MAPKAPK5: variants seen among roughly 807,000 people sequenced by gnomAD.
The protein encoded by MAPKAPK5 is MAP kinase-activated protein kinase 5.
In MAPKAPK5, 30 loss-of-function variants were observed where a neutral mutation model predicts 65.1. That is an observed-to-expected ratio of 0.46 (90% CI 0.34 to 0.63). The LOEUF is 0.63. Among genes scored for constraint, MAPKAPK5 ranks in the 20% least tolerant of loss-of-function variants. MAPKAPK5 has a pLI of 0.01. For missense variants in MAPKAPK5, 433 were observed against 581.4 expected, an observed-to-expected ratio of 0.74 and a Z score of 2.63; for synonymous variants, 179 against 204.6, an observed-to-expected ratio of 0.87 and a Z score of 1.07.
At chr12:111,873,673 C>A (rs1673419166) in intron 7 of MAPKAPK5, among the ~76,000 whole-genome samples, 1 of 152,066 alleles carries the variant, frequency 6.6e-6, no homozygotes, top group African/African-American at 2.4e-5. Flanking sequence ...AACCAGCTGG[C>A]CATATATCTG....
rs1191745304 is a variant in MAPKAPK5, at chr12:111,885,985, C to T, written c.918C>T (p.Ser306=). 2.5e-6 allele frequency: 4 copies of T among 1,613,864 alleles called. No individual in the cohort carries two copies. The highest frequency in any genetic ancestry group is 2.7e-5 in the African/African-American group (2 of 74,910). The change falls in exon 10 of 14, where the codon TCC becomes TCT. Residue 306 remains serine, a synonymous_variant. Coordinates refer to ENST00000550735, the MANE Select transcript of MAPKAPK5 (RefSeq NM_003668.4). ...TGCTGGACCACCCCTGGCTCAATTC[C>T]ACCGAGGCCCTGGATAATGTGCTGC... ...EGVLDHPWLN[S]TEALDNVLPS... is the part of the protein sequence containing the mutation.
At chr12:111,846,244 TG>T (rs1417124579) in intron 1 of MAPKAPK5, among the ~76,000 whole-genome samples, 3 of 152,192 alleles carry the variant, frequency 2.0e-5, no homozygotes, top group Non-Finnish European at 4.4e-5. Flanking sequence ...TTTTGCTTTT[TG>T]GGGGGTGTTC....
rs2071040012 is a variant in MAPKAPK5, at chr12:111,901,179, G to T, written c.*8118G>T. ...TCCTGATGAAGGAGATGTGCACAATGGCACTTACTGTGCACCAAACAAAGT... is the reference window on the plus strand; with the variant it reads ...TCCTGATGAAGGAGATGTGCACAATTGCACTTACTGTGCACCAAACAAAGT... On this transcript the variant is annotated 3_prime_UTR_variant, in exon 14 of 14. Transcript: ENST00000550735. 1 of 451,836 alleles carries T rather than the reference G, an allele frequency of 2.2e-6. No individual in the cohort carries two copies. The highest frequency in any genetic ancestry group is 2.4e-5 in the Admixed American group (1 of 42,126). 28.0% of individuals were successfully genotyped at this position (451,836 alleles called of 1,614,324 possible). A position where few individuals can be genotyped will look rare whatever the true frequency, so the allele number is the denominator to read the frequency against.
rs2136186181 is a variant in MAPKAPK5 at position 111,900,700 on chromosome 12, A to ATAAG, written c.*7641_*7644dup. ...GAGTGCAGTGATGGTCCATGTTGTC[A>ATAAG]TAAGTGTAAATTTCACCGTAAGGGA... is the stretch of plus-strand genomic sequence containing the variant. On this transcript the variant is annotated 3_prime_UTR_variant, in exon 14 of 14. Transcript: ENST00000550735. 2.2e-6 allele frequency: 1 copy of ATAAG among 456,148 alleles called. No homozygotes were observed. The allele number at this position is 456,148 out of a possible 1,614,324, so 28.3% of individuals were successfully genotyped here.
intron 6 of MAPKAPK5, 25 bp from the exon 7 acceptor site, chr12:111,871,060 T>C (rs748182478): frequency 6.3e-7 from 1 of 1,582,322 alleles, no homozygotes; most frequent in Admixed American, 1.7e-5. Context: ...TCTGGAGCAG[T>C]GACTCCTTTT....
chr12:111,856,050 T>C (rs1202789700), intron 1 of MAPKAPK5, among the ~76,000 whole-genome samples: 1 of 151,718 alleles, frequency 6.6e-6, no homozygotes, highest in Non-Finnish European at 1.5e-5. Context: ...AGACTGGGTT[T>C]CTCCATGTTG....
intron 13 of MAPKAPK5, among the ~76,000 whole-genome samples, chr12:111,892,571 G>C (rs1253830848): frequency 6.6e-6 from 1 of 152,086 alleles, no homozygotes; most frequent in African/African-American, 2.4e-5. Flanking sequence ...AAATGTTTAT[G>C]GGCCAGTTAG....
intron 1 of MAPKAPK5, among the ~76,000 whole-genome samples, chr12:111,862,728 C>T (rs1187163430): frequency 6.6e-6 from 1 of 152,068 alleles, no homozygotes; most frequent in Non-Finnish European, 1.5e-5. Flanking sequence ...AGAATTTGGT[C>T]AGACAACTTA....
rs958675986 is a variant in MAPKAPK5, at chr12:111,900,487, ACTT to A, written c.*7429_*7431del. On this transcript the variant is annotated 3_prime_UTR_variant, in exon 14 of 14. Coordinates refer to ENST00000550735, the MANE Select transcript of MAPKAPK5 (RefSeq NM_003668.4). ...GGCTTCAGCAGCTGCAGCTCTGACT[ACTT>A]CTACCAGTTCCTTCGAGAACACAAA... The A allele has an allele frequency of 6.6e-6, 3 of 455,944 alleles. No individual in the cohort carries two copies. Among genetic ancestry groups the A allele is most frequent in the African/African-American group, 6.0e-5 (3 of 50,066 alleles). The allele number at this position is 455,944 out of a possible 1,614,324, so 28.2% of individuals were successfully genotyped here.
chr12:111,870,470 G>C, intron 6 of MAPKAPK5, 110 bp downstream of exon 6: 1 of 688,844 alleles, frequency 1.5e-6, no homozygotes, highest in Non-Finnish European at 2.4e-6. Context: ...AAGCCAAAGT[G>C]CTTCAAACAG....
intron 8 of MAPKAPK5, among the ~76,000 whole-genome samples, chr12:111,882,544 C>T (rs1188807679): frequency 6.6e-6 from 1 of 152,174 alleles, no homozygotes; most frequent in East Asian, 1.9e-4. Flanking sequence ...TCAAGAAAGG[C>T]TTGAATTGAA....
intron 7 of MAPKAPK5, among the ~76,000 whole-genome samples, chr12:111,879,105 A>T (rs935687286): frequency 6.6e-6 from 1 of 152,132 alleles, no homozygotes; most frequent in African/African-American, 2.4e-5. Context: ...TTCAATGTGG[A>T]AGTGCTGAGA....
chr12:111,865,124 C>A (rs2069558614), intron 1 of MAPKAPK5, 126 bp from the exon 2 acceptor site: 1 of 622,150 alleles, frequency 1.6e-6, no homozygotes, highest in Non-Finnish European at 2.8e-6. Flanking sequence ...ACACAAAGTT[C>A]TGCTTATCAG....
At chr12:111,855,494 A>G (rs1333177445) in intron 1 of MAPKAPK5, among the ~76,000 whole-genome samples, 5 of 152,172 alleles carry the variant, frequency 3.3e-5, no homozygotes, top group African/African-American at 1.2e-4. Flanking sequence ...ATTTTCTAAT[A>G]TCTCATGTTA....
At position 111,892,970 on chromosome 12, in the gene MAPKAPK5, G is replaced by T. The variant is rs150495619; in HGVS notation, c.1325G>T (p.Arg442Leu). The T allele has an allele frequency of 6.4e-7, 1 of 1,567,388 alleles. No individual in the cohort carries two copies. Among genetic ancestry groups the T allele is most frequent in the South Asian group, 1.2e-5 (1 of 84,448 alleles). Residue 442 changes from arginine (R) to leucine (L), a missense_variant, in exon 14 of 14, where the codon CGT becomes CTT. This residue lies in a region of MAPKAPK5 where 169 missense variants were observed against 215.6 expected (regional missense o/e 0.78). Coordinates refer to ENST00000550735, the MANE Select transcript of MAPKAPK5 (RefSeq NM_003668.4). ...CTTGTTCTTTTTTTGCTTTCAGGTCGTGGATTCACAGATAAAGTAGATCGA... is the reference window on the plus strand; with the variant it reads ...CTTGTTCTTTTTTTGCTTTCAGGTCTTGGATTCACAGATAAAGTAGATCGA... ...DTLQSFSWNG[R>L]GFTDKVDRLK... is the part of the protein sequence containing the mutation.
chr12:111,883,680 A>T lies in MAPKAPK5; in HGVS notation c.760A>T (p.Met254Leu), dbSNP rs2070311995. The change falls in exon 9 of 14, where the codon ATG (methionine) becomes TTG (leucine). Residue 254 changes from methionine to leucine, a missense_variant. Met to Leu is a conservative substitution (Grantham distance 15). This residue lies in a region of MAPKAPK5 where 99 missense variants were observed against 185.8 expected (regional missense o/e 0.53). Coordinates refer to ENST00000550735, the MANE Select transcript of MAPKAPK5 (RefSeq NM_003668.4). The surrounding 1 kb of genome is among the most constrained non-coding windows in gnomAD (Gnocchi z 4.8). Reference sequence around the variant, plus strand: ...CCACAGCCGGACTATCCCAAAGGATATGCGAAGAAAGATCATGACAGGCAG... The same window carrying T: ...CCACAGCCGGACTATCCCAAAGGATTTGCGAAGAAAGATCATGACAGGCAG... ...KHHSRTIPKD[M>L]RRKIMTGSFE... is the part of the protein sequence containing the mutation. 6.2e-7 allele frequency: 1 copy of T among 1,614,034 alleles called. No individual in the cohort carries two copies. Among genetic ancestry groups the T allele is most frequent in the Non-Finnish European group, 8.5e-7 (1 of 1,179,894 alleles).
Position 111,842,770 on chromosome 12 carries a change from G to A in MAPKAPK5, c.36+1G>A. The A allele has an allele frequency of 7.5e-7, 1 of 1,330,494 alleles. No individual in the cohort carries two copies. Among genetic ancestry groups the A allele is most frequent in the South Asian group, 2.7e-5 (1 of 37,150 alleles). 82.4% of individuals were successfully genotyped at this position (1,330,494 alleles called of 1,614,324 possible). On this transcript the variant is annotated splice_donor_variant, in intron 1 of 13. Transcript: ENST00000550735. LOFTEE classifies it high-confidence loss of function. ...GAGCGACATGGACAAAGCCATCAAG[G>A]TAAGGGGGAGGTGCCCCCTCTTCCC...
Position 111,842,737 on chromosome 12 carries a change from TC to T in MAPKAPK5, c.5del (p.Ser2TrpfsTer16). 1 of 1,363,432 alleles carries T rather than the reference TC, an allele frequency of 7.3e-7. No individual in the cohort carries two copies. 84.5% of individuals were successfully genotyped at this position (1,363,432 alleles called of 1,614,324 possible). The part of the protein sequence containing the change: M[S>X]EESDMDKAIK... ...GGCTGTGGGGGCCCCACTGAGTATG[TC>T]GGAGGAGAGCGACATGGACAAAGCC... On this transcript the variant is annotated frameshift_variant, in exon 1 of 14. Coordinates refer to ENST00000550735, the MANE Select transcript of MAPKAPK5 (RefSeq NM_003668.4). LOFTEE classifies it high-confidence loss of function.
At position 111,893,144 on chromosome 12, in the gene MAPKAPK5, CATA is replaced by C. The variant is rs1342534409; in HGVS notation, c.*86_*88del. On this transcript the variant is annotated 3_prime_UTR_variant, in exon 14 of 14. Transcript: ENST00000550735. ...AGTAATTTTATGTAAATTAATAAATCATAATTTCATTTCCACATTGATTAAAGC... is the reference window on the plus strand; with the variant it reads ...AGTAATTTTATGTAAATTAATAAATCATTTCATTTCCACATTGATTAAAGC... 2 of 988,030 alleles carry C rather than the reference CATA, an allele frequency of 2.0e-6. No individual in the cohort carries two copies. Among genetic ancestry groups the C allele is most frequent in the South Asian group, 1.7e-5 (1 of 60,336 alleles). The allele number at this position is 988,030 out of a possible 1,614,324, so 61.2% of individuals were successfully genotyped here.
Sources: gnomAD v4.1 joint callset for allele counts (sites outside exome capture counted in the v4.1 genomes callset) on GRCh38, gnomAD v4.1.1 for gene constraint, gnomAD v4.1.1 regional missense constraint, Gnocchi (gnomAD v3.1) non-coding constraint, MANE v1.5 for transcripts, NCBI Gene and HGNC (gene_info 2026-07-23, HGNC 2026-07-21) for gene names.